PCP4: variants seen among roughly 807,000 people sequenced by gnomAD.
PCP4 encodes Purkinje cell protein 4.
In PCP4, 8 loss-of-function variants were observed where a neutral mutation model predicts 10.0. The observed-to-expected ratio is 0.80, with a 90% confidence interval of 0.47 to 1.45. The LOEUF (loss-of-function observed/expected upper bound fraction) is 1.45, where lower values mean the gene tolerates loss of function less well. Ranked by LOEUF, PCP4 falls within the 40% of genes most tolerant of loss-of-function variation. PCP4 has a pLI of 0.00. For missense variants in PCP4, 54 were observed against 74.4 expected (o/e 0.73, Z 1.01); for synonymous variants, 21 against 23.0 (o/e 0.91, Z 0.24).
At chr21:39,887,351 T>C (rs2146331326) in intron 1 of PCP4, among the ~76,000 whole-genome samples, 1 of 135,160 alleles carries the variant, frequency 7.4e-6, no homozygotes, top group Non-Finnish European at 1.6e-5. Context: ...TTTTTTTGTT[T>C]TTTGGTTTTT....
Position 39,919,681 on chromosome 21 carries a change from CTAA to C in PCP4, c.62-9301_62-9299del, listed in dbSNP as rs1258933078. On this transcript the variant is annotated intron_variant, in intron 2 of 2. Coordinates refer to ENST00000328619, the MANE Select transcript of PCP4 (RefSeq NM_006198.3). ...GTGTATGTGGTGTGATGTGTGTGGTCTAATGTGTGTATGTCTATGGTGTGTGTG... is the reference window on the plus strand; with the variant it reads ...GTGTATGTGGTGTGATGTGTGTGGTCTGTGTGTATGTCTATGGTGTGTGTG... 5.4e-5 allele frequency among the ~76,000 whole-genome samples: 8 copies of C among 148,232 alleles called. 1 individual carries two copies. The South Asian group carries it at 1.8e-3, about 33-fold the overall frequency.
At chr21:39,895,574 G>C (rs546514650) in intron 1 of PCP4, among the ~76,000 whole-genome samples, 1 of 152,256 alleles carries the variant, frequency 6.6e-6, no homozygotes, top group African/African-American at 2.4e-5. Context: ...GCTGAATTCT[G>C]CCTCTGCCTC....
intron 1 of PCP4, among the ~76,000 whole-genome samples, chr21:39,873,896 G>C (rs1179703874): frequency 6.6e-6 from 1 of 152,102 alleles, no homozygotes; most frequent in Admixed American, 6.5e-5. Flanking sequence ...GCCTCACAAA[G>C]AGCTCTGAAT....
intron 2 of PCP4, among the ~76,000 whole-genome samples, chr21:39,927,339 GTCTA>G (rs1240545991): frequency 0.035 from 3,449 of 98,686 alleles, 127 homozygotes; most frequent in African/African-American, 0.1. Context: ...CTATCTATCT[GTCTA>G]TCTATCTATC....
At chr21:39,904,921 C>A (rs2087499118) in intron 2 of PCP4, among the ~76,000 whole-genome samples, 1 of 152,174 alleles carries the variant, frequency 6.6e-6, no homozygotes, top group African/African-American at 2.4e-5. Flanking sequence ...CTTTGAGTAT[C>A]CAGCTGCAAC....
At chr21:39,915,724 G>A (rs2087565802) in intron 2 of PCP4, among the ~76,000 whole-genome samples, 1 of 152,162 alleles carries the variant, frequency 6.6e-6, no homozygotes, top group African/African-American at 2.4e-5. Context: ...GGAAAAAATG[G>A]GCAAGGGGTG....
chr21:39,921,613 C>G (rs1425797501), intron 2 of PCP4, among the ~76,000 whole-genome samples: 1 of 152,194 alleles, frequency 6.6e-6, no homozygotes, highest in African/African-American at 2.4e-5. Flanking sequence ...TGTGGAAGCT[C>G]TAACCTCTGG....
intron 2 of PCP4, among the ~76,000 whole-genome samples, chr21:39,925,511 C>T (rs991066976): frequency 5.3e-5 from 8 of 152,214 alleles, no homozygotes; most frequent in Admixed American, 1.3e-4. Flanking sequence ...ACAGAGCTCA[C>T]GCTCTAGCGT....
At position 39,904,861 on chromosome 21, in the gene PCP4, T is replaced by C. The variant is rs188778708; in HGVS notation, c.61+6334T>C. On this transcript the variant is annotated intron_variant, in intron 2 of 2. Coordinates refer to ENST00000328619, the MANE Select transcript of PCP4 (RefSeq NM_006198.3). Reference sequence around the variant, plus strand: ...TCTGCACAAATCTCAATAGTCCACATGGAAACTTAACAAGCCAAGATGAGC... The same window carrying C: ...TCTGCACAAATCTCAATAGTCCACACGGAAACTTAACAAGCCAAGATGAGC... 2.0e-3 allele frequency among the ~76,000 whole-genome samples: 298 copies of C among 152,218 alleles called. 3 individuals carry two copies. The highest frequency in any genetic ancestry group is 1.9e-3 in the South Asian group (9 of 4,822).
intron 1 of PCP4, among the ~76,000 whole-genome samples, chr21:39,872,548 T>C (rs2087325564): frequency 6.6e-6 from 1 of 152,234 alleles, no homozygotes; most frequent in African/African-American, 2.4e-5. Context: ...CAGGTTTATG[T>C]TATATTTAAT....
intron 2 of PCP4, among the ~76,000 whole-genome samples, chr21:39,903,687 T>C (rs1460541223): frequency 4.6e-5 from 7 of 151,822 alleles, no homozygotes. Context: ...GCTAACACGG[T>C]GAAACCCCGT....
At chr21:39,877,573 TG>T (rs1223168870) in intron 1 of PCP4, among the ~76,000 whole-genome samples, 1 of 151,456 alleles carries the variant, frequency 6.6e-6, no homozygotes, top group Non-Finnish European at 1.5e-5. Flanking sequence ...GGTGCATTCC[TG>T]TAGTCCCAGC....
At chr21:39,884,824 C>G (rs1016937634) in intron 1 of PCP4, among the ~76,000 whole-genome samples, 2 of 126,250 alleles carry the variant, frequency 1.6e-5, no homozygotes, top group African/African-American at 3.2e-5. Context: ...GAGAGAGAGA[C>G]AGAGATTATT....
At chr21:39,884,891 G>C (rs2087392616) in intron 1 of PCP4, among the ~76,000 whole-genome samples, 2 of 151,998 alleles carry the variant, frequency 1.3e-5, no homozygotes, top group South Asian at 4.2e-4. Flanking sequence ...TTCTACCCTT[G>C]GCCCTAGAGC....
At chr21:39,928,045 GT>G (rs1249260929) in intron 2 of PCP4, among the ~76,000 whole-genome samples, 1 of 152,076 alleles carries the variant, frequency 6.6e-6, no homozygotes, top group East Asian at 1.9e-4. Context: ...TTTTATTTTA[GT>G]TTTTTATTTC....
intron 1 of PCP4, among the ~76,000 whole-genome samples, chr21:39,897,155 C>T (rs1028544288): frequency 1.2e-4 from 18 of 151,682 alleles, no homozygotes; most frequent in African/African-American, 2.7e-4. Flanking sequence ...TTTGGGAGGC[C>T]GAGGCGGGTG....
At chr21:39,874,894 A>AGTGCTGCTAT (rs1192908898) in intron 1 of PCP4, among the ~76,000 whole-genome samples, 10 of 152,224 alleles carry the variant, frequency 6.6e-5, no homozygotes, top group Non-Finnish European at 1.3e-4. Context: ...AGTGCTGCTA[A>AGTGCTGCTAT]GTGGCTACGG....
chr21:39,876,783 C>T lies in PCP4; in HGVS notation c.9+9273C>T, dbSNP rs189953260. Reference sequence around the variant, plus strand: ...TTTGTGGCAGTGAAGCACCTTACAACCCCAGAGGTGCCGTTGACACTGTGG... The same window carrying T: ...TTTGTGGCAGTGAAGCACCTTACAATCCCAGAGGTGCCGTTGACACTGTGG... On this transcript the variant is annotated intron_variant, in intron 1 of 2. Transcript: ENST00000328619. 3.8e-3 allele frequency among the ~76,000 whole-genome samples: 573 copies of T among 152,334 alleles called. 3 individuals are homozygous for T. Among genetic ancestry groups the T allele is most frequent in the Non-Finnish European group, 5.1e-3 (349 of 68,028 alleles).
At chr21:39,868,804 A>C (rs1240089946) in intron 1 of PCP4, among the ~76,000 whole-genome samples, 1 of 152,174 alleles carries the variant, frequency 6.6e-6, no homozygotes, top group African/African-American at 2.4e-5. Context: ...CTTGGGCTGC[A>C]ATGCTGGGTG....
Sources: gnomAD v4.1 joint callset for allele counts (sites outside exome capture counted in the v4.1 genomes callset) on GRCh38, gnomAD v4.1.1 for gene constraint, MANE v1.5 for transcripts, NCBI Gene and HGNC (gene_info 2026-07-23, HGNC 2026-07-21) for gene names.